ARMCX4: variants seen among roughly 807,000 people sequenced by gnomAD.
The protein encoded by ARMCX4 is armadillo repeat containing X-linked 4.
Under a neutral mutation model 34.7 loss-of-function variants are expected in ARMCX4, and 3 were observed. The ratio of observed to expected loss-of-function variants is 0.09; its 90% CI spans 0.04 to 0.22. The LOEUF (loss-of-function observed/expected upper bound fraction) is 0.22, where lower values mean the gene tolerates loss of function less well. Among genes scored for constraint, ARMCX4 ranks in the 10% least tolerant of loss-of-function variants. The probability of loss-of-function intolerance (pLI) is 1.00; values close to 1 mark genes in which losing one functional copy is unlikely to be tolerated. For synonymous variants in ARMCX4, 513 were observed against 632.8 expected (o/e 0.81, Z 2.84); for missense variants, 1,448 against 1,720.8 (o/e 0.84, Z 2.81).
rs1455535092 is a variant in ARMCX4 at position 101,433,180 on chromosome X, ACACG to A, written n.165-10868_165-10865del. On this transcript the variant is annotated intron_variant and non_coding_transcript_variant, in intron 2 of 3. Transcript: ENST00000430461. ...CATATGTATACATACATGTGTATAT[ACACG>A]CACACATACACATATATGTGCATAT... 3.3e-3 allele frequency among the ~76,000 whole-genome samples: 277 copies of A among 83,419 alleles called. 2 individuals carry two copies. The highest frequency in any genetic ancestry group is 7.0e-3 in the Middle Eastern group (1 of 142). 72.4% of individuals were successfully genotyped at this position (83,419 alleles called of 115,157 possible).
intron 3 of ARMCX4, among the ~76,000 whole-genome samples, chrX:101,445,148 T>C (rs1555997718): frequency 8.9e-6 from 1 of 112,378 alleles, no homozygotes; most frequent in African/African-American, 3.2e-5. Flanking sequence ...AAAGATAACA[T>C]TTCTACATCA....
Position 101,490,049 on chromosome X carries a change from A to G in ARMCX4, c.1460A>G (p.Asp487Gly), listed in dbSNP as rs1556008207. 1.7e-6 allele frequency: 2 copies of G among 1,155,816 alleles called. No homozygotes were observed. Among genetic ancestry groups the G allele is most frequent in the Admixed American group, 5.2e-5 (2 of 38,778 alleles). ...VASVQADTLS[D>G]GKIKVRGNVN... is the part of the protein sequence containing the mutation. ...AGTGTTCAGGCTGATACCTTGTCTG[A>G]TGGCAAAATTAAGGTCAGGGGCAAT... Residue 487 changes from aspartate (D) to glycine (G), a missense_variant, in exon 6 of 6, where the codon GAT becomes GGT. This residue lies in a region of ARMCX4 where 1,343 missense variants were observed against 1,540.7 expected (regional missense o/e 0.87). Coordinates refer to ENST00000423738, the MANE Select transcript of ARMCX4 (RefSeq NM_001256155.3).
At chrX:101,435,601 C>G (rs782224819) in intron 2 of ARMCX4, among the ~76,000 whole-genome samples, 12 of 109,779 alleles carry the variant, frequency 1.1e-4, no homozygotes, top group African/African-American at 4.0e-4. Flanking sequence ...CCTGTTCACT[C>G]TGATGGTAGT....
intron 4 of ARMCX4, among the ~76,000 whole-genome samples, chrX:101,479,808 TGA>T (rs1292009011): frequency 4.5e-5 from 5 of 110,617 alleles, no homozygotes; most frequent in Non-Finnish European, 9.4e-5. Flanking sequence ...GCAATCCTAA[TGA>T]AAAGTCCAAC....
At chrX:101,512,868 ATG>A (rs202182439) in intron 11 of ARMCX4, among the ~76,000 whole-genome samples, 5 of 90,877 alleles carry the variant, frequency 5.5e-5, no homozygotes, top group Non-Finnish European at 8.7e-5. Flanking sequence ...ATGTATATAT[ATG>A]TAGAGAGAGA....
intron 4 of ARMCX4, among the ~76,000 whole-genome samples, chrX:101,476,044 T>G: frequency 9.0e-6 from 1 of 111,245 alleles, no homozygotes; most frequent in Non-Finnish European, 1.9e-5. Flanking sequence ...TCTTTTCAAA[T>G]GCACTTGGTT....
rs1556008011 is a variant in ARMCX4 at position 101,489,614 on chromosome X, G to A, written c.1025G>A (p.Gly342Asp). Residue 342 changes from glycine to aspartate, a missense_variant, in exon 6 of 6, where the codon GGT becomes GAT. By Grantham distance (94) the Gly-to-Asp change is moderately conservative. Transcript: ENST00000423738. The stretch of plus-strand genomic sequence containing the variant: ...CCTGGGGCAAAGATTGATGCCGGGG[G>A]TAACACCAATGCCATGTGTAAGGTG... ...AIPGAKIDAG[G>D]NTNAMCKVGA... The A allele has an allele frequency of 8.7e-7, 1 of 1,154,720 alleles. No homozygotes were observed. The highest frequency in any genetic ancestry group is 1.8e-5 in the African/African-American group (1 of 56,343).
Position 101,489,750 on chromosome X carries a change from A to T in ARMCX4, c.1161A>T (p.Ile387=), listed in dbSNP as rs987647717. The change falls in exon 6 of 6, where the codon ATA becomes ATT. Residue 387 remains isoleucine (I), a synonymous_variant. Coordinates refer to ENST00000423738, the MANE Select transcript of ARMCX4 (RefSeq NM_001256155.3). The stretch of plus-strand genomic sequence containing the variant: ...ATGGTAGGGGAAATACCAATGTCAT[A>T]TCTAAGGCAATAACTGGAGCTGACA... ...RVDGRGNTNV[I]SKAITGADMR... 51 of 1,153,090 alleles carry T rather than the reference A, an allele frequency of 4.4e-5. No homozygotes were observed. In the Middle Eastern group the frequency reaches 9.3e-4, roughly 21 times the overall value.
Position 101,439,063 on chromosome X carries a change from C to T in ARMCX4, n.165-4989C>T, listed in dbSNP as rs200509618. 1.7e-4 allele frequency among the ~76,000 whole-genome samples: 19 copies of T among 111,993 alleles called. No homozygotes were observed. In the East Asian group the frequency reaches 5.3e-3, roughly 31 times the overall value. On this transcript the variant is annotated intron_variant and non_coding_transcript_variant, in intron 2 of 3. Transcript: ENST00000430461. ...GTTAGTTGATGCAGTTTCTTCCTAG[C>T]CTTGATAGTCTTTACAATTTGGCAT...
chrX:101,438,582 C>T (rs1189013212), intron 2 of ARMCX4, among the ~76,000 whole-genome samples: 2 of 110,503 alleles, frequency 1.8e-5, no homozygotes, highest in African/African-American at 3.3e-5. Context: ...AAAAAAGTCT[C>T]CCATTATATT....
chrX:101,488,644 G>A lies in ARMCX4; in HGVS notation c.55G>A (p.Gly19Ser), dbSNP rs781970317. ...GACTGCAGGACTGGTGATCTGGGCTGGCACCTGCTACTACATTTACAAATT... is the reference window on the plus strand; with the variant it reads ...GACTGCAGGACTGGTGATCTGGGCTAGCACCTGCTACTACATTTACAAATT... ...WVTAGLVIWA[G>S]TCYYIYKFTK... Residue 19 changes from glycine to serine, a missense_variant, in exon 6 of 6, where the codon GGC becomes AGC. Around this residue, in one of 2 missense-constraint regions of ARMCX4, gnomAD observed 1,343 missense variants for 1,540.7 expected, o/e 0.87. Coordinates refer to ENST00000423738, the MANE Select transcript of ARMCX4 (RefSeq NM_001256155.3). The A allele has an allele frequency of 5.4e-5, 62 of 1,154,352 alleles. No individual in the cohort carries two copies. The highest frequency in any genetic ancestry group is 6.6e-5 in the Non-Finnish European group (58 of 872,694).
chrX:101,484,604 A>G (rs182236203), upstream of ARMCX4, among the ~76,000 whole-genome samples: 1 of 112,491 alleles, frequency 8.9e-6, no homozygotes, highest in East Asian at 2.8e-4. Flanking sequence ...TTCAAAAGTT[A>G]CAAATCACCT....
At chrX:101,438,293 G>A (rs187081055) in intron 2 of ARMCX4, among the ~76,000 whole-genome samples, 7 of 111,776 alleles carry the variant, frequency 6.3e-5, no homozygotes, top group African/African-American at 1.6e-4. Context: ...GGCTGGGTGC[G>A]GTGGCTCACG....
Position 101,493,867 on chromosome X carries a change from G to A in ARMCX4, c.5278G>A (p.Asp1760Asn). 8.7e-7 allele frequency: 1 copy of A among 1,152,438 alleles called. No homozygotes were observed. The highest frequency in any genetic ancestry group is 1.1e-6 in the Non-Finnish European group (1 of 871,745). 95.0% of individuals were successfully genotyped at this position (1,152,438 alleles called of 1,213,427 possible). A position where few individuals can be genotyped will look rare whatever the true frequency, so the allele number is the denominator to read the frequency against. Residue 1760 changes from aspartate to asparagine, a missense_variant, in exon 6 of 6, where the codon GAT (aspartate) becomes AAT (asparagine). Transcript: ENST00000423738. The part of the protein sequence containing the change: ...EEKADIVSRP[D>N]DKDEATTASR... ...AAAAGCTGATATTGTGTCCAGGCCT[G>A]ATGATAAAGATGAGGCCACTACTGC...
At position 101,488,979 on chromosome X, in the gene ARMCX4, G is replaced by C; in HGVS notation, c.390G>C (p.Val130=). The change falls in exon 6 of 6, where the codon GTG becomes GTC. Residue 130 remains valine (V), a synonymous_variant. Coordinates refer to ENST00000423738, the MANE Select transcript of ARMCX4 (RefSeq NM_001256155.3). Reference sequence around the variant, plus strand: ...GAACACTGGTCATGACAGAGGCAGTGACTCTGACTGAGGTCAAGGCCAAAG... The same window carrying C: ...GAACACTGGTCATGACAGAGGCAGTCACTCTGACTGAGGTCAAGGCCAAAG... ...VAGTLVMTEA[V]TLTEVKAKAR... is the part of the protein sequence containing the mutation. 1 of 1,156,091 alleles carries C rather than the reference G, an allele frequency of 8.6e-7. No homozygotes were observed.
At chrX:101,440,744 A>G (rs1931228406) in intron 2 of ARMCX4, among the ~76,000 whole-genome samples, 1 of 111,333 alleles carries the variant, frequency 9.0e-6, no homozygotes, top group African/African-American at 3.3e-5. Flanking sequence ...GCAATTAGCG[A>G]GGCTCCGTGG....
In ARMCX4 at chrX:101,493,924, A is replaced by T. The variant is rs1556010630; in HGVS notation, c.5335A>T (p.Ile1779Phe). Reference sequence around the variant, plus strand: ...ATCAGGGGCTGGGGAAGAGGCCATGATTTGTTCTAGGATTGAGGCTGAGAA... The same window carrying T: ...ATCAGGGGCTGGGGAAGAGGCCATGTTTTGTTCTAGGATTGAGGCTGAGAA... ...SRSGAGEEAMICSRIEAENKA... is the reference protein window; with the variant it reads ...SRSGAGEEAMFCSRIEAENKA... Residue 1779 changes from isoleucine (I) to phenylalanine (F), a missense_variant, in exon 6 of 6, where the codon ATT becomes TTT. Transcript: ENST00000423738. 8.9e-7 allele frequency: 1 copy of T among 1,122,767 alleles called. No homozygotes were observed. The highest frequency in any genetic ancestry group is 1.9e-5 in the African/African-American group (1 of 52,069). The allele number at this position is 1,122,767 out of a possible 1,213,427, so 92.5% of individuals were successfully genotyped here. A position where few individuals can be genotyped will look rare whatever the true frequency, so the allele number is the denominator to read the frequency against.
chrX:101,471,680 C>A (rs1205169027), intron 4 of ARMCX4, among the ~76,000 whole-genome samples: 1 of 111,343 alleles, frequency 9.0e-6, no homozygotes, highest in Non-Finnish European at 1.9e-5. Flanking sequence ...CTAGGAGGCA[C>A]CCCCCAGCAG....
Position 101,493,051 on chromosome X carries a change from C to A in ARMCX4, c.4462C>A (p.Leu1488Met), listed in dbSNP as rs1351719409. ...AREQVVGDSR[L>M]GLRDQSSGDS... ...GGAGCAGGTTGTTGGAGATTCTAGG[C>A]TGGGGCTTAGGGACCAGTCTAGTGG... Residue 1488 changes from leucine (L) to methionine (M), a missense_variant, in exon 6 of 6, where the codon CTG (leucine) becomes ATG (methionine). Leu to Met is a conservative substitution (Grantham distance 15). Around this residue, in one of 2 missense-constraint regions of ARMCX4, gnomAD observed 1,343 missense variants for 1,540.7 expected, o/e 0.87. Transcript: ENST00000423738. 8.7e-7 allele frequency: 1 copy of A among 1,153,320 alleles called. No individual in the cohort carries two copies. The highest frequency in any genetic ancestry group is 1.1e-6 in the Non-Finnish European group (1 of 872,040).
Sources: allele counts gnomAD v4.1 joint callset (sites outside exome capture counted in the v4.1 genomes callset), GRCh38; gene constraint gnomAD v4.1.1; regional missense constraint gnomAD v4.1.1; transcripts MANE v1.5; gene names NCBI Gene and HGNC (gene_info 2026-07-23, HGNC 2026-07-21).